Variants in PAM observed in about 807,000 individuals in gnomAD.
PAM encodes peptidyl-glycine alpha-amidating monooxygenase.
In PAM, 72 loss-of-function variants were observed where a neutral mutation model predicts 122.1. That is an observed-to-expected ratio of 0.59 (90% confidence interval 0.49 to 0.72). The LOEUF (loss-of-function observed/expected upper bound fraction) is 0.72. Among genes scored for constraint, PAM ranks in the 30% least tolerant of loss-of-function variants. The pLI is 0.00. For missense variants in PAM, 1,106 were observed against 1,183.7 expected (o/e 0.93, Z 0.96); for synonymous variants, 389 against 404.4 (o/e 0.96, Z 0.46).
intron 4 of PAM, 140 bp downstream of exon 4, chr5:102,901,553 A>G: frequency 1.6e-6 from 1 of 624,166 alleles, no homozygotes. Flanking sequence ...TGCCTAATGC[A>G]GAAACAAACT....
chr5:102,948,122 C>A (rs1757612944), intron 8 of PAM, among the ~76,000 whole-genome samples: 1 of 152,152 alleles, frequency 6.6e-6, no homozygotes, highest in African/African-American at 2.4e-5. Flanking sequence ...CCAGCAACAC[C>A]TAGACTGGTG....
At chr5:102,871,647 A>G (rs1787502821) in intron 3 of PAM, among the ~76,000 whole-genome samples, 1 of 149,082 alleles carries the variant, frequency 6.7e-6, no homozygotes, top group Non-Finnish European at 1.5e-5. Context: ...CTTGGAGGAG[A>G]AGTTATTAAA....
rs748407028 is a variant in PAM, at chr5:102,901,462, AT to A, written c.268+52del. 7.5e-5 allele frequency: 75 copies of A among 1,001,166 alleles called. 1 individual carries two copies. In the Admixed American group the frequency reaches 1.0e-3, roughly 14 times the overall value. The allele number at this position is 1,001,166 out of a possible 1,614,324, so 62.0% of individuals were successfully genotyped here. A position where few individuals can be genotyped will look rare whatever the true frequency, so the allele number is the denominator to read the frequency against. ...AGTAGCAGTTTAATGGAGGGCAGTGATTTGAAATCAGTGAAAGGTTCTCTTT... is the reference window on the plus strand; with the variant it reads ...AGTAGCAGTTTAATGGAGGGCAGTGATTGAAATCAGTGAAAGGTTCTCTTT... On this transcript the variant is annotated intron_variant, in intron 4 of 25. Transcript: ENST00000438793.
At chr5:102,767,729 G>T (rs1416246905) in intron 1 of PAM, among the ~76,000 whole-genome samples, 1 of 152,098 alleles carries the variant, frequency 6.6e-6, no homozygotes, top group Non-Finnish European at 1.5e-5. Flanking sequence ...GCTGCATCAA[G>T]ATTTTCACTA....
rs71226933 is a variant in PAM, at chr5:102,842,205, A to AATATATATATATATATATAT, written c.-373-23615_-373-23596dup. Among the ~76,000 whole-genome samples, 110 of 143,018 alleles carry AATATATATATATATATATAT rather than the reference A, an allele frequency of 7.7e-4. 1 individual carries two copies. Among genetic ancestry groups the AATATATATATATATATATAT allele is most frequent in the African/African-American group, 2.7e-3 (103 of 38,316 alleles). The allele number at this position is 143,018 out of a possible 152,430, so 93.8% of individuals were successfully genotyped here. A position where few individuals can be genotyped will look rare whatever the true frequency, so the allele number is the denominator to read the frequency against. On this transcript the variant is annotated intron_variant, in intron 1 of 25. Transcript: ENST00000438793. Reference sequence around the variant, plus strand: ...TTTAACTTTACAAAAATACAACCTAAATATATATATATATATATATATCTC... The same window carrying AATATATATATATATATATAT: ...TTTAACTTTACAAAAATACAACCTAAATATATATATATATATATATATATATATATATATATATATATCTC...
At chr5:102,900,254 T>TGTGTGGGGGGGGG (rs777616737) in intron 3 of PAM, among the ~76,000 whole-genome samples, 1 of 26,976 alleles carries the variant, frequency 3.7e-5, no homozygotes, top group African/African-American at 1.7e-4. Flanking sequence ...TGTGTGTGTG[T>TGTGTGGGGGGGGG]GGGGGGGGGG....
chr5:102,959,828 T>G, intron 12 of PAM, 47 bp from the exon 13 acceptor site: 2 of 1,295,536 alleles, frequency 1.5e-6, no homozygotes, highest in Non-Finnish European at 2.2e-6. Flanking sequence ...ATTAAGCATG[T>G]GTTTTATGTG....
chr5:103,012,472 G>A (rs953167925), intron 21 of PAM, among the ~76,000 whole-genome samples: 3 of 152,036 alleles, frequency 2.0e-5, no homozygotes, highest in Non-Finnish European at 4.4e-5. Flanking sequence ...AGTATCATTC[G>A]TCTGCATGTG....
rs2150668225 is a variant in PAM, at chr5:102,984,980, C to A, written c.1484-5292C>A. Reference sequence around the variant, plus strand: ...AAGTAAACAAAATGCTCATGACCAACTATTGGGTCAGTGAAGAAATTATGA... The same window carrying A: ...AAGTAAACAAAATGCTCATGACCAAATATTGGGTCAGTGAAGAAATTATGA... On this transcript the variant is annotated intron_variant, in intron 15 of 25. Coordinates refer to ENST00000438793, the MANE Select transcript of PAM (RefSeq NM_001177306.2). Among the ~76,000 whole-genome samples, 2 of 151,586 alleles carry A rather than the reference C, an allele frequency of 1.3e-5. 1 individual carries two copies. Among genetic ancestry groups the A allele is most frequent in the South Asian group, 4.2e-4 (2 of 4,770 alleles).
intron 3 of PAM, among the ~76,000 whole-genome samples, chr5:102,899,845 G>A (rs1413428283): frequency 6.6e-6 from 1 of 151,700 alleles, no homozygotes; most frequent in Non-Finnish European, 1.5e-5. Flanking sequence ...GAAAGGCACT[G>A]AAGGATGTGA....
intron 20 of PAM, among the ~76,000 whole-genome samples, chr5:103,009,443 A>G (rs1779984903): frequency 1.3e-5 from 2 of 152,144 alleles, no homozygotes; most frequent in African/African-American, 4.8e-5. Flanking sequence ...GGATGCCTGT[A>G]ATAGCTATAT....
rs573927068 is a variant in PAM at position 103,028,754 on chromosome 5, T to C, written c.2744-133T>C. 7.0e-4 allele frequency: 430 copies of C among 617,664 alleles called. 1 individual carries two copies. Among genetic ancestry groups the C allele is most frequent in the Non-Finnish European group, 8.8e-4 (313 of 354,620 alleles). 38.3% of individuals were successfully genotyped at this position (617,664 alleles called of 1,614,324 possible). The stretch of plus-strand genomic sequence containing the variant: ...TGTAGGATACGTCTCTGTCTGTTTT[T>C]CTATTTTATTTTTAAATAAAATAAT... On this transcript the variant is annotated intron_variant, in intron 25 of 25. Coordinates refer to ENST00000438793, the MANE Select transcript of PAM (RefSeq NM_001177306.2).
At chr5:102,969,285 A>G (rs939005794) in intron 14 of PAM, among the ~76,000 whole-genome samples, 6 of 152,152 alleles carry the variant, frequency 3.9e-5, no homozygotes, top group South Asian at 2.1e-4. Context: ...GGAAAAAAAA[A>G]AAAAGAAAAG....
intron 1 of PAM, among the ~76,000 whole-genome samples, chr5:102,845,853 C>A (rs1779818814): frequency 6.6e-6 from 1 of 152,118 alleles, no homozygotes; most frequent in African/African-American, 2.4e-5. Flanking sequence ...AGGATGAGAA[C>A]TGGGGAAATG....
chr5:102,931,316 G>A (rs1751435720), intron 7 of PAM, among the ~76,000 whole-genome samples: 1 of 152,180 alleles, frequency 6.6e-6, no homozygotes, highest in Non-Finnish European at 1.5e-5. Context: ...CTCCACAGCA[G>A]TTTTTGTTAT....
intron 1 of PAM, among the ~76,000 whole-genome samples, chr5:102,793,588 T>C (rs1314331963): frequency 6.6e-6 from 1 of 152,148 alleles, no homozygotes; most frequent in African/African-American, 2.4e-5. Context: ...TTTGGAACTA[T>C]TAGAATGTAT....
chr5:102,990,353 A>C lies in PAM; in HGVS notation c.1565A>C (p.Lys522Thr). 1.2e-6 allele frequency: 2 copies of C among 1,609,726 alleles called. No homozygotes were observed. Among genetic ancestry groups the C allele is most frequent in the Non-Finnish European group, 1.7e-6 (2 of 1,176,938 alleles). Residue 522 changes from lysine to threonine, a missense_variant, in exon 16 of 26, where the codon AAG becomes ACG. By Grantham distance (78) the Lys-to-Thr change is moderately conservative (BLOSUM62 -1). Around this residue, in one of 3 missense-constraint regions of PAM, gnomAD observed 670 missense variants for 690.3 expected, o/e 0.97. Coordinates refer to ENST00000438793, the MANE Select transcript of PAM (RefSeq NM_001177306.2). ...GQVSGVALDP[K>T]NNLVIFHRGD... is the part of the protein sequence containing the mutation. ...GTTTCTGGGGTGGCTCTAGACCCTA[A>C]GAATAACCTGGTGATTTTCCACAGA...
At chr5:103,002,898 G>A in intron 16 of PAM, 135 bp from the exon 17 acceptor site, 1 of 632,974 alleles carries the variant, frequency 1.6e-6, no homozygotes. Flanking sequence ...CCAAATGACT[G>A]AAATGTGGCA....
intron 16 of PAM, among the ~76,000 whole-genome samples, chr5:102,997,467 C>T (rs1299885021): frequency 6.6e-6 from 1 of 151,836 alleles, no homozygotes; most frequent in Non-Finnish European, 1.5e-5. Flanking sequence ...TCCCATGAGC[C>T]GTGATCATGC....
Sources: gnomAD v4.1 joint callset for allele counts (sites outside exome capture counted in the v4.1 genomes callset) on GRCh38, gnomAD v4.1.1 for gene constraint, gnomAD v4.1.1 regional missense constraint, MANE v1.5 for transcripts, NCBI Gene and HGNC (gene_info 2026-07-23, HGNC 2026-07-21) for gene names.